The following CEP162 variants were observed in gnomAD, a reference collection of about 807,000 sequenced individuals.
CEP162 encodes centrosomal protein 162.
CEP162 carries 141 observed loss-of-function variants against 169.2 expected under a neutral mutation model. The ratio of observed to expected loss-of-function variants is 0.83; its 90% CI spans 0.73 to 0.96. The LOEUF is 0.96. Ranked by LOEUF, CEP162 falls within the 40% of genes least tolerant of loss-of-function variation. The pLI is 0.00. For synonymous variants in CEP162, 540 were observed against 526.4 expected (o/e 1.03, Z -0.35); for missense variants, 1,600 against 1,587.2 (o/e 1.01, Z -0.14).
chr6:84,149,537 A>G, intron 24 of CEP162, 25 bp downstream of exon 24: 1 of 1,535,606 alleles, frequency 6.5e-7, no homozygotes, highest in Non-Finnish European at 8.8e-7. Flanking sequence ...TTCAAGTCAA[A>G]AGATAAAACA....
At chr6:84,163,934 G>C (rs1478138144) in intron 18 of CEP162, among the ~76,000 whole-genome samples, 1 of 145,758 alleles carries the variant, frequency 6.9e-6, no homozygotes, top group Non-Finnish European at 1.5e-5. Context: ...AGAATGGGAG[G>C]AAATTTTTGC....
At chr6:84,136,863 T>C (rs1019133835) in intron 25 of CEP162, among the ~76,000 whole-genome samples, 11 of 152,232 alleles carry the variant, frequency 7.2e-5, no homozygotes, top group Non-Finnish European at 1.2e-4. Flanking sequence ...ATCACTTTTC[T>C]GTGTCTGTTC....
chr6:84,222,759 C>G (rs149652024), intron 2 of CEP162, among the ~76,000 whole-genome samples: 1 of 150,460 alleles, frequency 6.6e-6, no homozygotes, highest in African/African-American at 2.5e-5. Flanking sequence ...AATGACAGGG[C>G]GCACACGCGC....
chr6:84,193,536 A>T, intron 11 of CEP162, 73 bp downstream of exon 11: 1 of 823,410 alleles, frequency 1.2e-6, no homozygotes. Flanking sequence ...TTAATCATTC[A>T]CTAGGAATGA....
In CEP162 at chr6:84,169,422, T is replaced by C; in HGVS notation, c.2291A>G (p.His764Arg). ...TACTTGAGACAGAAAACGACTTTTG[T>C]GCATCTGTTCTCTAATTTATTTTGA... ...SEVASLKEQM[H>R]KSRFLSQVVE... is the part of the protein sequence containing the mutation. Residue 764 changes from histidine to arginine, a missense_variant, in exon 18 of 27, where the codon CAC becomes CGC. His to Arg is a conservative substitution (Grantham distance 29). Coordinates refer to ENST00000403245, the MANE Select transcript of CEP162 (RefSeq NM_014895.4). 1 of 1,565,134 alleles carries C rather than the reference T, an allele frequency of 6.4e-7. No individual in the cohort carries two copies.
chr6:84,168,345 T>A (rs897763989), intron 18 of CEP162, among the ~76,000 whole-genome samples: 2 of 152,220 alleles, frequency 1.3e-5, no homozygotes, highest in African/African-American at 4.8e-5. Context: ...TTTCCTATAA[T>A]GGATTCATAT....
At position 84,171,660 on chromosome 6, in the gene CEP162, T is replaced by C; in HGVS notation, c.2225A>G (p.Glu742Gly). 6.4e-7 allele frequency: 1 copy of C among 1,555,364 alleles called. No individual in the cohort carries two copies. ...KDLQEQNKKNEERMFKENQSL... is the reference protein window; with the variant it reads ...KDLQEQNKKNGERMFKENQSL... ...TTGGTTTTCCTTAAACATTCGCTCC[T>C]CATTTTTCTTGTTTTGTTCTTGGAG... The change falls in exon 17 of 27, where the codon GAG (glutamate) becomes GGG (glycine). Residue 742 changes from glutamate to glycine, a missense_variant. Coordinates refer to ENST00000403245, the MANE Select transcript of CEP162 (RefSeq NM_014895.4).
intron 13 of CEP162, among the ~76,000 whole-genome samples, chr6:84,177,771 A>G (rs1653406670): frequency 6.6e-6 from 1 of 152,104 alleles, no homozygotes; most frequent in Non-Finnish European, 1.5e-5. Flanking sequence ...TCTTTACCTC[A>G]AGTGACCTGC....
Position 84,174,038 on chromosome 6 carries a change from A to G in CEP162, c.2166+10T>C, listed in dbSNP as rs1180725229. On this transcript the variant is annotated intron_variant, in intron 16 of 26. Coordinates refer to ENST00000403245, the MANE Select transcript of CEP162 (RefSeq NM_014895.4). Reference sequence around the variant, plus strand: ...GAGTAAATTTGCCATATGTTGAAGAATTGCCATACCTGTTGATATCCTTGA... The same window carrying G: ...GAGTAAATTTGCCATATGTTGAAGAGTTGCCATACCTGTTGATATCCTTGA... 6.2e-7 allele frequency: 1 copy of G among 1,605,748 alleles called. No individual in the cohort carries two copies.
chr6:84,217,108 C>T (rs2099551875), intron 3 of CEP162, among the ~76,000 whole-genome samples: 1 of 152,054 alleles, frequency 6.6e-6, no homozygotes, highest in Non-Finnish European at 1.5e-5. Context: ...AGACAATCAA[C>T]AGCAAATATT....
At chr6:84,147,792 A>G (rs2099519595) in intron 24 of CEP162, among the ~76,000 whole-genome samples, 1 of 152,156 alleles carries the variant, frequency 6.6e-6, no homozygotes, top group African/African-American at 2.4e-5. Context: ...CTTAAATATA[A>G]CATAAGCCTC....
At chr6:84,168,390 T>C (rs2099528667) in intron 18 of CEP162, among the ~76,000 whole-genome samples, 1 of 152,192 alleles carries the variant, frequency 6.6e-6, no homozygotes, top group South Asian at 2.1e-4. Flanking sequence ...AAAACCCTGT[T>C]ACCTTTATTA....
intron 18 of CEP162, among the ~76,000 whole-genome samples, chr6:84,165,618 G>A (rs1176373546): frequency 6.6e-6 from 1 of 152,012 alleles, no homozygotes; most frequent in Non-Finnish European, 1.5e-5. Flanking sequence ...AGTACTACTT[G>A]TTTACTTTAT....
intron 21 of CEP162, among the ~76,000 whole-genome samples, chr6:84,158,971 A>T (rs979376723): frequency 6.6e-6 from 1 of 151,620 alleles, no homozygotes; most frequent in Admixed American, 6.6e-5. Flanking sequence ...TCCATTAAAT[A>T]AAAAAAGCAC....
intron 23 of CEP162, among the ~76,000 whole-genome samples, chr6:84,150,601 T>C (rs996418918): frequency 6.6e-6 from 1 of 152,154 alleles, no homozygotes; most frequent in East Asian, 1.9e-4. Context: ...GAAAAGTTTA[T>C]TCTTCACTTC....
In CEP162 at chr6:84,223,524, TAAATAA is replaced by T. The variant is rs541566928; in HGVS notation, c.58-2359_58-2354del. Among the ~76,000 whole-genome samples the T allele has an allele frequency of 5.9e-3, 874 of 147,486 alleles. 4 individuals carry two copies. The highest frequency in any genetic ancestry group is 0.021 in the African/African-American group (840 of 39,670). ...AAAAATAAATAAATAAATAAATAAA[TAAATAA>T]AAATAAAAATAAAATAAATAGAAAT... On this transcript the variant is annotated intron_variant, in intron 2 of 26. Transcript: ENST00000403245.
At chr6:84,201,283 CAACAAACAAACAAACA>C (rs143611774) in intron 8 of CEP162, among the ~76,000 whole-genome samples, 2 of 151,374 alleles carry the variant, frequency 1.3e-5, no homozygotes, top group African/African-American at 4.9e-5. Flanking sequence ...GTCTCACAAA[CAACAAACAAACAAACA>C]AACAAACAAA....
rs70987776 is a variant in CEP162 at position 84,202,518 on chromosome 6, C to CTTTTT, written c.688-756_688-752dup. 3.0e-3 allele frequency among the ~76,000 whole-genome samples: 276 copies of CTTTTT among 90,726 alleles called. 1 individual carries two copies. Among genetic ancestry groups the CTTTTT allele is most frequent in the Non-Finnish European group, 3.8e-3 (187 of 49,794 alleles). The allele number at this position is 90,726 out of a possible 152,430, so 59.5% of individuals were successfully genotyped here. ...CATTTTTCTTTTCTTTTCTTTCTTT[C>CTTTTT]TTTTTTTTTTTTTTTTTTTTTTTTT... On this transcript the variant is annotated intron_variant, in intron 7 of 26. Coordinates refer to ENST00000403245, the MANE Select transcript of CEP162 (RefSeq NM_014895.4).
intron 13 of CEP162, among the ~76,000 whole-genome samples, chr6:84,180,217 C>T (rs1464284356): frequency 6.6e-6 from 1 of 152,082 alleles, no homozygotes; most frequent in African/African-American, 2.4e-5. Context: ...CGCAATCCAG[C>T]ATATAAACAG....
Sources: gnomAD v4.1 joint callset for allele counts (sites outside exome capture counted in the v4.1 genomes callset) on GRCh38, gnomAD v4.1.1 for gene constraint, MANE v1.5 for transcripts, NCBI Gene and HGNC (gene_info 2026-07-23, HGNC 2026-07-21) for gene names.